ELMO1: variants seen among roughly 807,000 people sequenced by gnomAD.
ELMO1 encodes engulfment and cell motility 1.
Under a neutral mutation model 98.9 loss-of-function variants are expected in ELMO1, and 26 were observed. That is an observed-to-expected ratio of 0.26 (90% confidence interval 0.19 to 0.36). The LOEUF (loss-of-function observed/expected upper bound fraction) is 0.36, where lower values mean the gene tolerates loss of function less well. Among genes scored for constraint, ELMO1 ranks in the 10% least tolerant of loss-of-function variants. The pLI is 1.00. For missense variants in ELMO1, 627 were observed against 935.2 expected (o/e 0.67, Z 4.30); for synonymous variants, 346 against 346.0 (o/e 1.00, Z 0.00).
intron 16 of ELMO1, among the ~76,000 whole-genome samples, chr7:36,948,843 G>T (rs1004953159): frequency 6.6e-6 from 1 of 152,130 alleles, no homozygotes; most frequent in African/African-American, 2.4e-5. Context: ...AGAAGGTACT[G>T]CTCACTCACT....
chr7:37,319,135 C>T (rs1463006038), intron 2 of ELMO1, among the ~76,000 whole-genome samples: 3 of 152,192 alleles, frequency 2.0e-5, no homozygotes, highest in East Asian at 3.8e-4. Context: ...AAATCTCTAA[C>T]AGTCTGTTAG....
intron 13 of ELMO1, chr7:37,204,317 T>C (rs1258879554): frequency 2.3e-6 from 1 of 435,110 alleles, no homozygotes; most frequent in Non-Finnish European, 4.6e-6. Flanking sequence ...AGTTTCTTCC[T>C]TCTGGTGGGT....
chr7:37,365,126 A>G (rs1801853045), intron 1 of ELMO1, among the ~76,000 whole-genome samples: 1 of 152,218 alleles, frequency 6.6e-6, no homozygotes, highest in Admixed American at 6.5e-5. Flanking sequence ...CGCCTTACGG[A>G]AATAACTTCT....
chr7:37,399,931 A>G (rs894015881), intron 1 of ELMO1, among the ~76,000 whole-genome samples: 2 of 152,208 alleles, frequency 1.3e-5, no homozygotes, highest in Non-Finnish European at 1.5e-5. Context: ...ATGCATTCCA[A>G]AATTTACTAG....
rs919445189 is a variant in ELMO1, at chr7:37,342,642, C to T, written c.49G>A (p.Ala17Thr). Residue 17 changes from alanine to threonine, a missense_variant, in exon 2 of 22, where the codon GCC becomes ACC. Around this residue, in one of 3 missense-constraint regions of ELMO1, gnomAD observed 123 missense variants for 171.2 expected, o/e 0.72. Transcript: ENST00000310758. This position sits in a 1 kb window ranked among gnomAD's most constrained non-coding sequence, Gnocchi z 4.3. ...IVKVAIEWPGAYPKLMEIDQK... is the reference protein window; with the variant it reads ...IVKVAIEWPGTYPKLMEIDQK... ...TCAATTTCCATGAGTTTGGGGTAGGCGCCCGGCCATTCTATGGCCACCTTG... is the reference window on the plus strand; with the variant it reads ...TCAATTTCCATGAGTTTGGGGTAGGTGCCCGGCCATTCTATGGCCACCTTG... 8 of 1,613,022 alleles carry T rather than the reference C, an allele frequency of 5.0e-6. No individual in the cohort carries two copies. Among genetic ancestry groups the T allele is most frequent in the Non-Finnish European group, 6.8e-6 (8 of 1,179,722 alleles).
At chr7:37,145,979 G>A (rs1046659077) in intron 13 of ELMO1, among the ~76,000 whole-genome samples, 4 of 152,066 alleles carry the variant, frequency 2.6e-5, no homozygotes, top group African/African-American at 7.2e-5. Flanking sequence ...TGAATATGTG[G>A]GTGTTTCAAT....
intron 1 of ELMO1, among the ~76,000 whole-genome samples, chr7:37,343,564 C>G (rs1740654942): frequency 6.6e-6 from 1 of 150,536 alleles, no homozygotes; most frequent in Non-Finnish European, 1.5e-5. Context: ...TCACTGCAAC[C>G]TCCACCTCTT....
chr7:37,145,702 T>G (rs997330299), intron 13 of ELMO1, among the ~76,000 whole-genome samples: 1 of 152,254 alleles, frequency 6.6e-6, no homozygotes, highest in Non-Finnish European at 1.5e-5. Context: ...CCAGATGGCA[T>G]AGCGTGGGGA....
chr7:36,912,029 A>G lies in ELMO1; in HGVS notation c.1438-17012T>C, dbSNP rs188180701. On this transcript the variant is annotated intron_variant, in intron 16 of 21. Coordinates refer to ENST00000310758, the MANE Select transcript of ELMO1 (RefSeq NM_014800.11). ...AAACACCATGCAGAGAATGTACGTC[A>G]GCTAAATGAGTATTGCTTTAGATGT... 1.2e-3 allele frequency among the ~76,000 whole-genome samples: 178 copies of G among 152,380 alleles called. 1 individual carries two copies. The highest frequency in any genetic ancestry group is 5.7e-3 in the Admixed American group (87 of 15,312).
At chr7:37,280,700 A>C (rs1250785719) in intron 4 of ELMO1, among the ~76,000 whole-genome samples, 2 of 151,702 alleles carry the variant, frequency 1.3e-5, no homozygotes, top group Admixed American at 6.6e-5. Flanking sequence ...TAAAAAAAAC[A>C]GTAGATATTG....
intron 13 of ELMO1, among the ~76,000 whole-genome samples, chr7:37,192,404 A>G (rs192509385): frequency 2.6e-5 from 4 of 151,538 alleles, no homozygotes; most frequent in African/African-American, 7.3e-5. Context: ...CTGAGGCAGT[A>G]GAATCGCTTG....
In ELMO1 at chr7:37,152,224, G is replaced by A. The variant is rs139319459; in HGVS notation, c.1087-18990C>T. On this transcript the variant is annotated intron_variant, in intron 13 of 21. Transcript: ENST00000310758. ...AACATGACCTTGGATATCAGAGGAAGCGGTGCCTGAAATCTGGATGATAGG... is the reference window on the plus strand; with the variant it reads ...AACATGACCTTGGATATCAGAGGAAACGGTGCCTGAAATCTGGATGATAGG... Among the ~76,000 whole-genome samples the A allele has an allele frequency of 3.6e-3, 548 of 152,340 alleles. 3 individuals are homozygous for A. Among genetic ancestry groups the A allele is most frequent in the Non-Finnish European group, 6.1e-3 (415 of 68,026 alleles).
At chr7:37,042,211 GAAAA>G (rs35969834) in intron 15 of ELMO1, among the ~76,000 whole-genome samples, 20 of 93,554 alleles carry the variant, frequency 2.1e-4, no homozygotes, top group Non-Finnish European at 4.3e-4. Context: ...TCTGACTTTT[GAAAA>G]AAAAAAAAAA....
chr7:36,885,772 CT>C (rs1314027152), intron 18 of ELMO1, among the ~76,000 whole-genome samples: 2 of 152,106 alleles, frequency 1.3e-5, no homozygotes, highest in Non-Finnish European at 2.9e-5. Flanking sequence ...CTAAAGACAC[CT>C]AGGTGGTTAT....
chr7:37,123,444 A>G (rs1014308418), intron 14 of ELMO1, among the ~76,000 whole-genome samples: 104 of 152,368 alleles, frequency 6.8e-4, no homozygotes, highest in African/African-American at 2.4e-3. Context: ...ATAAAAAATG[A>G]TAAAGGGGGT....
intron 16 of ELMO1, among the ~76,000 whole-genome samples, chr7:36,907,274 G>A (rs1780711386): frequency 6.6e-6 from 1 of 152,170 alleles, no homozygotes; most frequent in Non-Finnish European, 1.5e-5. Flanking sequence ...CTAACACACT[G>A]CTGTACCAAT....
chr7:37,032,604 GGA>G (rs1430441437), intron 15 of ELMO1, among the ~76,000 whole-genome samples: 1 of 152,166 alleles, frequency 6.6e-6, no homozygotes, highest in Non-Finnish European at 1.5e-5. Flanking sequence ...CCTTGGCCAA[GGA>G]GAGAGACATT....
chr7:37,316,072 C>T (rs1365137025), intron 2 of ELMO1, 112 bp from the exon 3 acceptor site: 4 of 893,178 alleles, frequency 4.5e-6, no homozygotes, highest in Non-Finnish European at 6.9e-6. Context: ...TTTACATTTG[C>T]TATTCTTAGT....
chr7:37,250,004 T>C (rs1181153521), intron 6 of ELMO1, among the ~76,000 whole-genome samples: 5 of 152,094 alleles, frequency 3.3e-5, no homozygotes, highest in African/African-American at 1.2e-4. Flanking sequence ...GCTTAAGCCC[T>C]GGAGGTCAAG....
Sources: gnomAD v4.1 joint callset for allele counts (sites outside exome capture counted in the v4.1 genomes callset) on GRCh38, gnomAD v4.1.1 for gene constraint, gnomAD v4.1.1 regional missense constraint, Gnocchi (gnomAD v3.1) non-coding constraint, MANE v1.5 for transcripts, NCBI Gene and HGNC (gene_info 2026-07-23, HGNC 2026-07-21) for gene names.